The following XAF1 variants were observed in gnomAD, a reference collection of about 807,000 sequenced individuals.
The protein encoded by XAF1 is XIAP associated factor 1.
XAF1 carries 32 observed loss-of-function variants against 32.3 expected under a neutral mutation model. The observed-to-expected ratio is 0.99, with a 90% CI of 0.75 to 1.33. XAF1 has a LOEUF of 1.33. Among genes scored for constraint, XAF1 ranks in the 40% most tolerant of loss-of-function variants. The pLI, the probability that XAF1 is intolerant of heterozygous loss-of-function variation, is 0.00. For missense variants in XAF1, 379 were observed against 366.0 expected, an observed-to-expected ratio of 1.04 and a Z score of -0.29; for synonymous variants, 120 against 125.9, an observed-to-expected ratio of 0.95 and a Z score of 0.31.
At chr17:6,756,730 G>C (rs1030104982) in intron 1 of XAF1, among the ~76,000 whole-genome samples, 1 of 152,180 alleles carries the variant, frequency 6.6e-6, no homozygotes, top group Admixed American at 6.5e-5. Flanking sequence ...GGAAGAGCAG[G>C]GGGAGAAGGG....
chr17:6,768,490 G>C (rs891218800), intron 5 of XAF1, among the ~76,000 whole-genome samples: 2 of 151,812 alleles, frequency 1.3e-5, no homozygotes, highest in African/African-American at 4.8e-5. Context: ...TTTCCTTCTG[G>C]GTATGATTTC....
At chr17:6,761,660 CT>C in intron 4 of XAF1, 1 of 394,532 alleles carries the variant, frequency 2.5e-6, no homozygotes. Context: ...TGTATATTTC[CT>C]TCATCCCAGC....
At chr17:6,767,863 C>A (rs868429189) in intron 5 of XAF1, among the ~76,000 whole-genome samples, 3 of 152,066 alleles carry the variant, frequency 2.0e-5, no homozygotes, top group Non-Finnish European at 2.9e-5. Context: ...TCTATCATTT[C>A]AATAGTTACC....
upstream of XAF1, chr17:6,755,496 A>G (rs566199441): frequency 5.1e-6 from 5 of 987,620 alleles, no homozygotes; most frequent in East Asian, 1.1e-4. Flanking sequence ...TAGGGTCTGG[A>G]AAAACTCTAA....
chr17:6,772,419 T>C (rs969725662), intron 6 of XAF1, among the ~76,000 whole-genome samples: 1 of 151,380 alleles, frequency 6.6e-6, no homozygotes, highest in African/African-American at 2.4e-5. Flanking sequence ...AGTCCTGTTA[T>C]ATACATTTTT....
chr17:6,759,354 G>A (rs1974987018), intron 2 of XAF1: 10 of 1,340,898 alleles, frequency 7.5e-6, no homozygotes, highest in Non-Finnish European at 8.6e-6. Flanking sequence ...GAAGGTCCTG[G>A]AAGGCAGTCA....
Position 6,760,580 on chromosome 17 carries a change from G to A in XAF1, c.400G>A (p.Glu134Lys). 3.1e-6 allele frequency: 5 copies of A among 1,610,442 alleles called. No individual in the cohort carries two copies. The highest frequency in any genetic ancestry group is 4.2e-6 in the Non-Finnish European group (5 of 1,178,032). ...CCAGCACAGAGATGTCTGTCGCAGT[G>A]AACAGGCCCAGCTCGGGAAAGGTAA... ...LAQHRDVCRS[E>K]QAQLGKGERI... The change falls in exon 4 of 7, where the codon GAA (glutamate) becomes AAA (lysine). Residue 134 changes from glutamate (E) to lysine (K), a missense_variant. Glu to Lys is a moderately conservative substitution (Grantham distance 56). Coordinates refer to ENST00000361842, the MANE Select transcript of XAF1 (RefSeq NM_017523.5).
chr17:6,756,031 T>G (rs1974623294), upstream of XAF1: 1 of 1,613,230 alleles, frequency 6.2e-7, no homozygotes, highest in Non-Finnish European at 8.5e-7. Flanking sequence ...TTTTGTTTCC[T>G]TGCCTGCAAG....
At chr17:6,756,288 TG>T in intron 1 of XAF1, 178 bp downstream of exon 1, 4 of 998,564 alleles carry the variant, frequency 4.0e-6, no homozygotes, top group South Asian at 4.0e-5. Context: ...AATCTCTGGG[TG>T]GGGGTGGGCA....
chr17:6,758,468 A>G (rs1974888974), intron 2 of XAF1: 1 of 572,088 alleles, frequency 1.7e-6, no homozygotes, highest in Non-Finnish European at 3.0e-6. Context: ...GCAAGTGTTC[A>G]GTCCTCTCTG....
upstream of XAF1, chr17:6,755,737 G>A: frequency 2.7e-6 from 3 of 1,119,630 alleles, no homozygotes; most frequent in South Asian, 2.7e-5. Context: ...TTGGAAAAGG[G>A]ATGGAGACCC....
At chr17:6,762,383 A>G in intron 5 of XAF1, 143 bp downstream of exon 5, 1 of 777,498 alleles carries the variant, frequency 1.3e-6, no homozygotes, top group South Asian at 1.9e-5. Context: ...CTTTGTTCCA[A>G]AAGATAGTTT....
intron 2 of XAF1, 127 bp from the exon 3 acceptor site, chr17:6,759,535 C>A (rs978257394): frequency 4.6e-6 from 7 of 1,531,776 alleles, no homozygotes; most frequent in Non-Finnish European, 6.1e-6. Flanking sequence ...CACATCGGAT[C>A]CCTGCCCTCT....
rs372380890 is a variant in XAF1 at position 6,760,553 on chromosome 17, G to A, written c.373G>A (p.Ala125Thr). 94 of 1,613,366 alleles carry A rather than the reference G, an allele frequency of 5.8e-5. No individual in the cohort carries two copies. The highest frequency in any genetic ancestry group is 1.5e-4 in the African/African-American group (11 of 75,006). ...CCAGTTCATCATGCACCGCATGCTC[G>A]CCCAGCACAGAGATGTCTGTCGCAG... ...CGQFIMHRML[A>T]QHRDVCRSEQ... is the part of the protein sequence containing the mutation. The change falls in exon 4 of 7, where the codon GCC becomes ACC. Residue 125 changes from alanine to threonine, a missense_variant. By Grantham distance (58) the Ala-to-Thr change is moderately conservative. Transcript: ENST00000361842.
intron 5 of XAF1, among the ~76,000 whole-genome samples, chr17:6,765,842 A>G (rs1975583135): frequency 6.6e-6 from 1 of 152,198 alleles, no homozygotes; most frequent in Non-Finnish European, 1.5e-5. Context: ...AATACAAGTC[A>G]GATTGTTTGG....
At chr17:6,757,433 T>TCG (rs2151523978) in intron 1 of XAF1, 1 of 152,344 alleles carries the variant, frequency 6.6e-6, no homozygotes, top group East Asian at 1.9e-4. Context: ...TTAGCGCAGG[T>TCG]GAACCTGAAG....
At chr17:6,757,048 C>T (rs1258153029) in intron 1 of XAF1, among the ~76,000 whole-genome samples, 2 of 150,868 alleles carry the variant, frequency 1.3e-5, no homozygotes, top group Non-Finnish European at 2.9e-5. Flanking sequence ...GCTGGAGTGC[C>T]TGGAGTGCAA....
In XAF1 at chr17:6,760,458, T is replaced by C. The variant is rs1203443212; in HGVS notation, c.278T>C (p.Met93Thr). 2 of 1,612,520 alleles carry C rather than the reference T, an allele frequency of 1.2e-6. No homozygotes were observed. Among genetic ancestry groups the C allele is most frequent in the Admixed American group, 1.7e-5 (1 of 59,868 alleles). The change falls in exon 4 of 7, where the codon ATG (methionine) becomes ACG (threonine). Residue 93 changes from methionine (M) to threonine (T), a missense_variant. Transcript: ENST00000361842. Reference protein sequence around the residue: ...PVECKFCKLDMQLSKLELHES... With the variant: ...PVECKFCKLDTQLSKLELHES... ...GAGTGTAAGTTCTGCAAACTGGACA[T>C]GCAGCTCAGCAAGCTGGAGCTCCAC...
At chr17:6,771,267 T>G (rs113444279) in intron 6 of XAF1, 1 of 338,150 alleles carries the variant, frequency 3.0e-6, no homozygotes, top group Non-Finnish European at 5.5e-6. Flanking sequence ...CAGGGATTGA[T>G]TTGGAGCAAC....
Sources: gnomAD v4.1 joint callset for allele counts (sites outside exome capture counted in the v4.1 genomes callset) on GRCh38, gnomAD v4.1.1 for gene constraint, MANE v1.5 for transcripts, NCBI Gene and HGNC (gene_info 2026-07-23, HGNC 2026-07-21) for gene names.